The following CHD2 variants were observed in gnomAD, a reference collection of about 807,000 sequenced individuals.
CHD2 encodes the protein chromodomain helicase DNA binding protein 2.
A neutral mutation model predicts 243.9 loss-of-function variants in CHD2; 28 were observed. That is an observed-to-expected ratio of 0.11 (90% CI 0.09 to 0.16). The LOEUF (loss-of-function observed/expected upper bound fraction) is 0.16. Ranked by LOEUF, CHD2 falls within the 10% of genes least tolerant of loss-of-function variation. The pLI, the probability that CHD2 is intolerant of heterozygous loss-of-function variation, is 1.00. For synonymous variants in CHD2, 775 were observed against 779.0 expected (o/e 0.99, Z 0.09); for missense variants, 1,386 against 2,209.8 (o/e 0.63, Z 7.47).
intron 14 of CHD2, 110 bp downstream of exon 14, chr15:92,953,683 A>T (rs1458382299): frequency 9.2e-6 from 9 of 974,078 alleles, no homozygotes; most frequent in East Asian, 2.5e-5. Context: ...TTATTCTGAT[A>T]CTGTGCTGTG....
At chr15:92,923,068 CT>C (rs1385051447) in intron 2 of CHD2, among the ~76,000 whole-genome samples, 3 of 152,180 alleles carry the variant, frequency 2.0e-5, no homozygotes, top group Non-Finnish European at 4.4e-5. Flanking sequence ...TTTTTGTTTA[CT>C]TACTTCTGTT....
At chr15:93,024,263 C>A in intron 38 of CHD2, 109 bp from the exon 39 acceptor site, 3 of 917,002 alleles carry the variant, frequency 3.3e-6, no homozygotes, top group Non-Finnish European at 5.0e-6. Flanking sequence ...ATAATGTGAG[C>A]ATTTGTCCTT....
chr15:93,002,305 TAAG>T lies in CHD2; in HGVS notation c.4269_4271del (p.Lys1424del). 1 of 1,595,576 alleles carries T rather than the reference TAAG, an allele frequency of 6.3e-7. No individual in the cohort carries two copies. The highest frequency in any genetic ancestry group is 2.2e-5 in the East Asian group (1 of 44,632). ...ACAAGGAAAGAAAGAAGTCAAAAGA[TAAG>T]AAAGAGAAGGTAATGATGCCCTTCT... On this transcript the variant is annotated inframe_deletion, in exon 33 of 39. Transcript: ENST00000394196.
At chr15:93,024,094 G>A (rs2054564908) in intron 38 of CHD2, among the ~76,000 whole-genome samples, 1 of 151,998 alleles carries the variant, frequency 6.6e-6, no homozygotes, top group African/African-American at 2.4e-5. Flanking sequence ...TAATGTTTAT[G>A]GATCTTACCA....
At chr15:92,911,736 C>G (rs1334676989) in intron 2 of CHD2, among the ~76,000 whole-genome samples, 4 of 151,908 alleles carry the variant, frequency 2.6e-5, no homozygotes, top group African/African-American at 9.7e-5. Context: ...CTGTGTCCCC[C>G]CAACCCCTGC....
At chr15:92,906,293 A>G (rs1357342500) in intron 2 of CHD2, among the ~76,000 whole-genome samples, 1 of 152,040 alleles carries the variant, frequency 6.6e-6, no homozygotes, top group Non-Finnish European at 1.5e-5. Flanking sequence ...TAAAATATGC[A>G]CTTTCCAACT....
intron 17 of CHD2, among the ~76,000 whole-genome samples, chr15:92,971,306 G>A (rs1456832619): frequency 6.6e-6 from 1 of 152,148 alleles, no homozygotes; most frequent in Non-Finnish European, 1.5e-5. Context: ...TCCTTTGAGC[G>A]TCATACTGGC....
intron 2 of CHD2, chr15:92,904,412 G>C (rs1209664292): frequency 1.0e-6 from 1 of 965,826 alleles, no homozygotes; most frequent in Non-Finnish European, 1.2e-6. Context: ...GGGGGGCGGG[G>C]AGAGAACGCA....
At chr15:92,950,752 T>TA (rs34816854) in intron 13 of CHD2, among the ~76,000 whole-genome samples, 46,027 of 142,300 alleles carry the variant, frequency 0.32, 7,406 homozygotes, top group Middle Eastern at 0.5. Flanking sequence ...AACTTCACCT[T>TA]AAAAAAAAAA....
chr15:92,974,391 G>A (rs1007605809), intron 19 of CHD2, among the ~76,000 whole-genome samples: 1 of 152,128 alleles, frequency 6.6e-6, no homozygotes, highest in Non-Finnish European at 1.5e-5. Context: ...CAATGATTCA[G>A]CAAAATGTTT....
At position 92,977,432 on chromosome 15, in the gene CHD2, C is replaced by T. The variant is rs542284500; in HGVS notation, c.2578-802C>T. On this transcript the variant is annotated intron_variant, in intron 20 of 38. Transcript: ENST00000394196. ...CAGGACTACCAGTTTTTCAATGCTG[C>T]TTCTCTCTGCTACAAAGGCATCAGC... Among the ~76,000 whole-genome samples, 4 of 152,332 alleles carry T rather than the reference C, an allele frequency of 2.6e-5. No homozygotes were observed. The East Asian group carries it at 7.7e-4, about 29-fold the overall frequency.
Position 93,019,996 on chromosome 15 carries a change from C to CT in CHD2, c.4907-13dup, listed in dbSNP as rs1343290835. ...CATTTCTTGCAGTCATCAGATCATT[C>CT]TTTCTTTTCCTGCAGATCGAGGAGA... On this transcript the variant is annotated splice_polypyrimidine_tract_variant and intron_variant, in intron 37 of 38. Coordinates refer to ENST00000394196, the MANE Select transcript of CHD2 (RefSeq NM_001271.4). 2 of 1,602,448 alleles carry CT rather than the reference C, an allele frequency of 1.2e-6. No homozygotes were observed. The highest frequency in any genetic ancestry group is 1.7e-6 in the Non-Finnish European group (2 of 1,172,118).
In CHD2 at chr15:93,020,176, C is replaced by G. The variant is rs754463281; in HGVS notation, c.5071C>G (p.Pro1691Ala). The change falls in exon 38 of 39, where the codon CCC (proline) becomes GCC (alanine). Residue 1691 changes from proline to alanine, a missense_variant. Pro to Ala is a conservative substitution (Grantham distance 27, BLOSUM62 -1). Coordinates refer to ENST00000394196, the MANE Select transcript of CHD2 (RefSeq NM_001271.4). ...TGCCCACCGTTCCGGAAGCTATCGACCCAACAACATGTCCAGAAAGAGGCC... is the reference window on the plus strand; with the variant it reads ...TGCCCACCGTTCCGGAAGCTATCGAGCCAACAACATGTCCAGAAAGAGGCC... ...MDAHRSGSYR[P>A]NNMSRKRPYD... 1 of 1,614,104 alleles carries G rather than the reference C, an allele frequency of 6.2e-7. No individual in the cohort carries two copies. The highest frequency in any genetic ancestry group is 8.5e-7 in the Non-Finnish European group (1 of 1,180,020).
intron 5 of CHD2, among the ~76,000 whole-genome samples, chr15:92,934,998 A>G (rs922458695): frequency 6.7e-6 from 1 of 149,148 alleles, no homozygotes; most frequent in African/African-American, 2.5e-5. Context: ...AGAACTTTGG[A>G]CTAGTTGATT....
chr15:92,936,062 G>A (rs1197684493), intron 5 of CHD2, among the ~76,000 whole-genome samples: 2 of 152,092 alleles, frequency 1.3e-5, no homozygotes, highest in South Asian at 2.1e-4. Flanking sequence ...ATGGAAACAC[G>A]CAGTGCTAGT....
Position 93,025,652 on chromosome 15 carries a change from G to A in CHD2, c.*947G>A, listed in dbSNP as rs2054580947. Reference sequence around the variant, plus strand: ...GGAAAGCTACAGGACCTGGAGAAGGGGATGCAGAGGCAGGCCTGCTGACCA... The same window carrying A: ...GGAAAGCTACAGGACCTGGAGAAGGAGATGCAGAGGCAGGCCTGCTGACCA... On this transcript the variant is annotated 3_prime_UTR_variant, in exon 39 of 39. Coordinates refer to ENST00000394196, the MANE Select transcript of CHD2 (RefSeq NM_001271.4). 1 of 152,386 alleles carries A rather than the reference G, an allele frequency of 6.6e-6. No individual in the cohort carries two copies. Among genetic ancestry groups the A allele is most frequent in the Admixed American group, 6.5e-5 (1 of 15,284 alleles). 9.4% of individuals were successfully genotyped at this position (152,386 alleles called of 1,614,324 possible).
chr15:93,019,962 A>G lies in CHD2; in HGVS notation c.4907-50A>G, dbSNP rs751940150. 2.1e-5 allele frequency: 32 copies of G among 1,558,790 alleles called. No homozygotes were observed. In the East Asian group the frequency reaches 7.0e-4, roughly 34 times the overall value. On this transcript the variant is annotated intron_variant, in intron 37 of 38. Coordinates refer to ENST00000394196, the MANE Select transcript of CHD2 (RefSeq NM_001271.4). Reference sequence around the variant, plus strand: ...AAAAAAAAAAATTGTAGTGAAAGTGAAATTCATCCATTTCTTGCAGTCATC... The same window carrying G: ...AAAAAAAAAAATTGTAGTGAAAGTGGAATTCATCCATTTCTTGCAGTCATC...
intron 2 of CHD2, among the ~76,000 whole-genome samples, chr15:92,913,402 T>C (rs1410941249): frequency 6.6e-6 from 1 of 152,222 alleles, no homozygotes; most frequent in Non-Finnish European, 1.5e-5. Flanking sequence ...AGTGGCAGGT[T>C]TGTCCCCTTC....
chr15:92,971,984 T>A (rs2053847531), intron 18 of CHD2, 57 bp downstream of exon 18: 1 of 1,527,718 alleles, frequency 6.5e-7, no homozygotes, highest in African/African-American at 1.4e-5. Flanking sequence ...CTCTAGGTGC[T>A]TTTCATCAGA....
Sources: allele counts gnomAD v4.1 joint callset (sites outside exome capture counted in the v4.1 genomes callset), GRCh38; gene constraint gnomAD v4.1.1; transcripts MANE v1.5; gene names NCBI Gene and HGNC (gene_info 2026-07-23, HGNC 2026-07-21).